Variants in LINS1 observed in about 807,000 individuals in gnomAD.
The protein encoded by LINS1 is lines homolog 1.
A neutral mutation model predicts 41.6 loss-of-function variants in LINS1; 27 were observed. The observed-to-expected ratio is 0.65, with a 90% CI of 0.48 to 0.89. The LOEUF (loss-of-function observed/expected upper bound fraction) is 0.89. LINS1 is among the 40% of genes least tolerant of loss of function. LINS1 has a pLI of 0.00. For missense variants in LINS1, 955 were observed against 884.1 expected (o/e 1.08, Z -1.02); for synonymous variants, 336 against 312.9 (o/e 1.07, Z -0.78).
intron 6 of LINS1, 54 bp downstream of exon 6, chr15:100,571,840 T>C: frequency 6.3e-7 from 1 of 1,597,394 alleles, no homozygotes; most frequent in South Asian, 1.1e-5. Context: ...TCAGAAATGT[T>C]TTCTGCTTTC....
At position 100,590,798 on chromosome 15, in the gene LINS1, T is replaced by C. The variant is rs988677204; in HGVS notation, c.-103-9853A>G. ...GCTCTTTATCTAGCTCATTCTTTGATCTATTTGATTTTAGGTGGTTTGGTT... is the reference window on the plus strand; with the variant it reads ...GCTCTTTATCTAGCTCATTCTTTGACCTATTTGATTTTAGGTGGTTTGGTT... On this transcript the variant is annotated intron_variant, in intron 1 of 6. Transcript: ENST00000314742. Among the ~76,000 whole-genome samples the C allele has an allele frequency of 5.3e-5, 8 of 152,192 alleles. No individual in the cohort carries two copies. The East Asian group carries it at 7.7e-4, about 15-fold the overall frequency.
intron 1 of LINS1, among the ~76,000 whole-genome samples, chr15:100,586,882 C>G (rs561869713): frequency 6.3e-4 from 96 of 152,158 alleles, no homozygotes; most frequent in Admixed American, 9.8e-4. Context: ...AGAAATGTGG[C>G]CGGGTGCGGT....
intron 3 of LINS1, 98 bp downstream of exon 3, chr15:100,580,165 G>T: frequency 1.1e-6 from 1 of 936,922 alleles, no homozygotes; most frequent in South Asian, 1.5e-5. Context: ...TTTGAGATCA[G>T]ATTGGGCAAC....
intron 1 of LINS1, among the ~76,000 whole-genome samples, chr15:100,581,981 G>GA (rs2038566733): frequency 6.6e-6 from 1 of 152,224 alleles, no homozygotes; most frequent in Non-Finnish European, 1.5e-5. Context: ...TCACACTCTT[G>GA]AAATTTACCC....
intron 1 of LINS1, among the ~76,000 whole-genome samples, chr15:100,599,598 T>C (rs1352962265): frequency 2.0e-5 from 3 of 152,240 alleles, no homozygotes; most frequent in Non-Finnish European, 4.4e-5. Context: ...ACCATATGAA[T>C]TGCATGGGTG....
At chr15:100,577,773 A>T (rs1164020091) in intron 3 of LINS1, among the ~76,000 whole-genome samples, 3 of 152,212 alleles carry the variant, frequency 2.0e-5, no homozygotes, top group Admixed American at 6.5e-5. Flanking sequence ...ACTTCCAACT[A>T]TACTACAAGG....
At chr15:100,588,304 G>C (rs1304595681) in intron 1 of LINS1, among the ~76,000 whole-genome samples, 1 of 152,184 alleles carries the variant, frequency 6.6e-6, no homozygotes, top group East Asian at 1.9e-4. Flanking sequence ...TTTCACAATG[G>C]TGGCCTGGGT....
intron 1 of LINS1, among the ~76,000 whole-genome samples, chr15:100,599,620 A>G (rs1262737008): frequency 6.6e-6 from 1 of 152,248 alleles, no homozygotes; most frequent in African/African-American, 2.4e-5. Flanking sequence ...CGAGTCTGCT[A>G]TAAGAATGAA....
intron 1 of LINS1, among the ~76,000 whole-genome samples, chr15:100,586,748 CAT>C (rs1323228410): frequency 6.6e-6 from 1 of 152,036 alleles, no homozygotes; most frequent in Non-Finnish European, 1.5e-5. Context: ...AGCGGATAAA[CAT>C]GTGGAAAAAA....
intron 1 of LINS1, among the ~76,000 whole-genome samples, chr15:100,592,519 G>A (rs145001423): frequency 2.0e-4 from 31 of 151,986 alleles, no homozygotes; most frequent in African/African-American, 7.3e-4. Flanking sequence ...ACTCCATCCT[G>A]TAGCCATCTA....
At chr15:100,596,583 T>C (rs2141361402) in intron 1 of LINS1, among the ~76,000 whole-genome samples, 1 of 152,378 alleles carries the variant, frequency 6.6e-6, no homozygotes, top group African/African-American at 2.4e-5. Context: ...AGACAGATAG[T>C]GAGGGTAAGA....
chr15:100,599,353 T>G (rs984781615), intron 1 of LINS1, among the ~76,000 whole-genome samples: 1 of 152,220 alleles, frequency 6.6e-6, no homozygotes, highest in Non-Finnish European at 1.5e-5. Context: ...AATTTAAAAT[T>G]ACCTAGTAGC....
chr15:100,573,314 T>TA (rs111346334), intron 5 of LINS1: 15,376 of 846,474 alleles, frequency 0.018, 1 homozygote, highest in Non-Finnish European at 0.02. Context: ...CAGTTTAGAT[T>TA]AAAAAAAAAA....
At chr15:100,571,070 T>A (rs537438981) in intron 6 of LINS1, among the ~76,000 whole-genome samples, 3 of 152,190 alleles carry the variant, frequency 2.0e-5, no homozygotes, top group Non-Finnish European at 4.4e-5. Flanking sequence ...CTAATTCAAA[T>A]CACATGCAGG....
chr15:100,598,485 C>T (rs1262566365), intron 1 of LINS1, among the ~76,000 whole-genome samples: 2 of 152,128 alleles, frequency 1.3e-5, no homozygotes, highest in Admixed American at 6.5e-5. Context: ...CAGTCTTTAC[C>T]GTATGACACA....
At chr15:100,582,088 G>A (rs1435118431) in intron 1 of LINS1, among the ~76,000 whole-genome samples, 1 of 152,228 alleles carries the variant, frequency 6.6e-6, no homozygotes, top group Non-Finnish European at 1.5e-5. Context: ...CACTTACACT[G>A]GGTCTTCCAT....
At chr15:100,581,431 C>T (rs2038538236) in intron 1 of LINS1, among the ~76,000 whole-genome samples, 1 of 152,156 alleles carries the variant, frequency 6.6e-6, no homozygotes, top group African/African-American at 2.4e-5. Flanking sequence ...CAGTTGAGAA[C>T]CACTGAGCTA....
chr15:100,600,550 G>GAAAAAAAAAAAAAAAA (rs1567106000), intron 1 of LINS1, among the ~76,000 whole-genome samples: 1 of 3,156 alleles, frequency 3.2e-4, no homozygotes, highest in East Asian at 2.1e-3. Flanking sequence ...CTGCTGTTAA[G>GAAAAAAAAAAAAAAAA]CAAAAAAAAA....
intron 1 of LINS1, among the ~76,000 whole-genome samples, chr15:100,592,570 G>A (rs1013353434): frequency 4.7e-5 from 7 of 148,776 alleles, no homozygotes; most frequent in Admixed American, 2.1e-4. Flanking sequence ...AACCTGGGGT[G>A]TGTGAAAAGT....
Sources: gnomAD v4.1 joint callset for allele counts (sites outside exome capture counted in the v4.1 genomes callset) on GRCh38, gnomAD v4.1.1 for gene constraint, MANE v1.5 for transcripts, NCBI Gene and HGNC (gene_info 2026-07-23, HGNC 2026-07-21) for gene names.